Variants in ASCC3 observed in about 807,000 individuals in gnomAD.
ASCC3 encodes activating signal cointegrator 1 complex subunit 3.
ASCC3 carries 158 observed loss-of-function variants against 256.3 expected under a neutral mutation model. The ratio of observed to expected loss-of-function variants is 0.62; its 90% CI spans 0.54 to 0.70. ASCC3 has a LOEUF of 0.70. ASCC3 is among the 30% of genes least tolerant of loss of function. The pLI is 0.00. For missense variants in ASCC3, 2,259 were observed against 2,626.0 expected (o/e 0.86, Z 3.05); for synonymous variants, 948 against 883.4 (o/e 1.07, Z -1.30).
Position 100,661,928 on chromosome 6 carries a change from A to G in ASCC3, c.2581T>C (p.Phe861Leu), listed in dbSNP as rs772909379. 1 of 1,613,348 alleles carries G rather than the reference A, an allele frequency of 6.2e-7. No individual in the cohort carries two copies. Among genetic ancestry groups the G allele is most frequent in the South Asian group, 1.1e-5 (1 of 91,060 alleles). Residue 861 changes from phenylalanine to leucine, a missense_variant, in exon 16 of 42, where the codon TTT becomes CTT. Physicochemically the swap from Phe to Leu is conservative, Grantham distance 22 (BLOSUM62 0). Around this residue, in one of 2 missense-constraint regions of ASCC3, gnomAD observed 1,839 missense variants for 2,206.7 expected, o/e 0.83. Transcript: ENST00000369162. The stretch of plus-strand genomic sequence containing the variant: ...GTTGTTATAATTATTCCTTCCCCAA[A>G]TTTGTCAAATTGTGGTCGTCCAGCT... ...GRAGRPQFDK[F>L]GEGIIITTHD... is the part of the protein sequence containing the mutation.
At chr6:100,799,186 A>G (rs1769786427) in intron 7 of ASCC3, among the ~76,000 whole-genome samples, 1 of 152,104 alleles carries the variant, frequency 6.6e-6, no homozygotes, top group Non-Finnish European at 1.5e-5. Flanking sequence ...GCAGCAATGC[A>G]ACTGATAAAA....
At chr6:100,673,928 T>C (rs539244665) in intron 14 of ASCC3, among the ~76,000 whole-genome samples, 24 of 152,304 alleles carry the variant, frequency 1.6e-4, no homozygotes, top group Admixed American at 1.3e-3. Context: ...CTGTGTTCTC[T>C]TTTTTCTCTC....
intron 36 of ASCC3, among the ~76,000 whole-genome samples, chr6:100,541,695 AATGT>A (rs1416740228): frequency 5.3e-5 from 8 of 152,338 alleles, no homozygotes; most frequent in African/African-American, 7.2e-5. Flanking sequence ...TGAAATTCAC[AATGT>A]ATGTCATCCA....
At chr6:100,511,573 A>G (rs1022335256) in intron 40 of ASCC3, among the ~76,000 whole-genome samples, 1 of 152,196 alleles carries the variant, frequency 6.6e-6, no homozygotes, top group African/African-American at 2.4e-5. Context: ...TCTACTAAAA[A>G]TACAAAAAAT....
intron 8 of ASCC3, among the ~76,000 whole-genome samples, chr6:100,782,903 T>C (rs1348674005): frequency 1.3e-5 from 2 of 152,038 alleles, no homozygotes; most frequent in Non-Finnish European, 2.9e-5. Flanking sequence ...AATACACTGC[T>C]TATTAATGAA....
At chr6:100,783,617 C>A (rs912430866) in intron 8 of ASCC3, among the ~76,000 whole-genome samples, 2 of 152,158 alleles carry the variant, frequency 1.3e-5, no homozygotes, top group African/African-American at 4.8e-5. Flanking sequence ...CACATACCTC[C>A]ACATTGTAAC....
At chr6:100,728,218 A>C (rs1269294572) in intron 10 of ASCC3, among the ~76,000 whole-genome samples, 3 of 152,060 alleles carry the variant, frequency 2.0e-5, no homozygotes, top group African/African-American at 7.2e-5. Flanking sequence ...TTCATATTTA[A>C]TAAAAAAACA....
At chr6:100,880,940 C>G (rs1414698563) in intron 1 of ASCC3, 121 bp downstream of exon 1, 1 of 152,218 alleles carries the variant, frequency 6.6e-6, no homozygotes, top group Non-Finnish European at 1.5e-5. Context: ...GGACTTGCCC[C>G]GGAGGCAGGA....
intron 36 of ASCC3, among the ~76,000 whole-genome samples, chr6:100,579,104 T>G (rs558682995): frequency 1.4e-4 from 21 of 152,200 alleles, no homozygotes; most frequent in South Asian, 4.1e-4. Context: ...TTTTTTCCTA[T>G]GCTTGTTGGT....
intron 10 of ASCC3, among the ~76,000 whole-genome samples, chr6:100,730,695 C>A (rs908654766): frequency 6.6e-6 from 1 of 152,170 alleles, no homozygotes; most frequent in Non-Finnish European, 1.5e-5. Context: ...GTTATACTAA[C>A]CTCTGATATA....
At chr6:100,621,342 AAACT>A (rs1773940616) in intron 30 of ASCC3, among the ~76,000 whole-genome samples, 1 of 152,116 alleles carries the variant, frequency 6.6e-6, no homozygotes, top group Admixed American at 6.6e-5. Flanking sequence ...TACAATAATA[AAACT>A]AACAGATTTA....
chr6:100,671,531 T>C (rs1776746119), intron 14 of ASCC3, among the ~76,000 whole-genome samples: 1 of 152,076 alleles, frequency 6.6e-6, no homozygotes, highest in South Asian at 2.1e-4. Context: ...AAGTAAGGTA[T>C]GTAGTTTCAG....
At chr6:100,872,464 A>G (rs201874818) in intron 1 of ASCC3, among the ~76,000 whole-genome samples, 6 of 40,958 alleles carry the variant, frequency 1.5e-4, no homozygotes, top group African/African-American at 4.8e-4. Context: ...GAAAAAAAAA[A>G]GGGTCGGGGG....
intron 4 of ASCC3, among the ~76,000 whole-genome samples, chr6:100,818,748 C>CAAAAAAAAGAAAA (rs1770888521): frequency 1.7e-5 from 1 of 58,108 alleles, no homozygotes; most frequent in Non-Finnish European, 2.8e-5. Context: ...AGGCAAAAGC[C>CAAAAAAAAGAAAA]AAAAAAAAAA....
chr6:100,688,793 T>C (rs2114980671), intron 13 of ASCC3, among the ~76,000 whole-genome samples: 1 of 152,196 alleles, frequency 6.6e-6, no homozygotes, highest in South Asian at 2.1e-4. Flanking sequence ...AATTATATGG[T>C]AAAGGATTGG....
intron 36 of ASCC3, among the ~76,000 whole-genome samples, chr6:100,545,932 T>A (rs548224790): frequency 2.6e-5 from 4 of 152,034 alleles, no homozygotes; most frequent in Non-Finnish European, 5.9e-5. Flanking sequence ...GCCAGTACAA[T>A]CAGGCAACAA....
intron 40 of ASCC3, among the ~76,000 whole-genome samples, chr6:100,512,454 C>T (rs938104981): frequency 6.6e-6 from 1 of 152,152 alleles, no homozygotes; most frequent in East Asian, 1.9e-4. Flanking sequence ...TTCTGCTGGC[C>T]AGAGTCTGTA....
intron 13 of ASCC3, among the ~76,000 whole-genome samples, chr6:100,711,156 C>T (rs185228175): frequency 6.6e-6 from 1 of 151,010 alleles, no homozygotes; most frequent in Admixed American, 6.6e-5. Context: ...CCAGGTACCT[C>T]CTTACCTGGT....
At chr6:100,520,741 T>C (rs1377932121) in intron 37 of ASCC3, among the ~76,000 whole-genome samples, 1 of 152,196 alleles carries the variant, frequency 6.6e-6, no homozygotes, top group African/African-American at 2.4e-5. Flanking sequence ...TACACTAACA[T>C]GCTATACAGG....
Sources: allele counts gnomAD v4.1 joint callset (sites outside exome capture counted in the v4.1 genomes callset), GRCh38; gene constraint gnomAD v4.1.1; regional missense constraint gnomAD v4.1.1; transcripts MANE v1.5; gene names NCBI Gene and HGNC (gene_info 2026-07-23, HGNC 2026-07-21).